The following KAZN variants were observed in gnomAD, a reference collection of about 807,000 sequenced individuals.
The protein encoded by KAZN is kazrin, periplakin interacting protein, also known as kazrin.
In KAZN, 40 loss-of-function variants were observed where a neutral mutation model predicts 87.4. The observed-to-expected ratio is 0.46, with a 90% CI of 0.36 to 0.60. KAZN has a LOEUF of 0.60. Ranked by LOEUF, KAZN falls within the 20% of genes least tolerant of loss-of-function variation. The probability of loss-of-function intolerance (pLI) is 0.00; values close to 1 mark genes in which losing one functional copy is unlikely to be tolerated. For synonymous variants in KAZN, 466 were observed against 458.3 expected (o/e 1.02, Z -0.22); for missense variants, 898 against 1,073.9 (o/e 0.84, Z 2.29).
At chr1:14,869,431 T>A (rs1350197104) in intron 1 of KAZN, among the ~76,000 whole-genome samples, 1 of 152,206 alleles carries the variant, frequency 6.6e-6, no homozygotes, top group Non-Finnish European at 1.5e-5. Flanking sequence ...TGCTGGAGAC[T>A]AGTCATTTTG....
chr1:14,834,697 G>C (rs144711652), intron 1 of KAZN, among the ~76,000 whole-genome samples: 1 of 152,136 alleles, frequency 6.6e-6, no homozygotes, highest in Non-Finnish European at 1.5e-5. Flanking sequence ...TTATGTGCTC[G>C]ACAAATTTGT....
At chr1:15,064,437 G>T (rs776367984) in intron 7 of KAZN, among the ~76,000 whole-genome samples, 3 of 152,206 alleles carry the variant, frequency 2.0e-5, no homozygotes, top group Non-Finnish European at 4.4e-5. Flanking sequence ...CCCCGGTTAC[G>T]CATGATGCCA....
chr1:14,141,451 T>C (rs1645238279), intron 1 of KAZN, among the ~76,000 whole-genome samples: 1 of 151,286 alleles, frequency 6.6e-6, no homozygotes, highest in Non-Finnish European at 1.5e-5. Flanking sequence ...AACTCATCCT[T>C]CGCTGATGGA....
At chr1:14,046,260 A>G (rs1642068516) in intron 1 of KAZN, among the ~76,000 whole-genome samples, 1 of 152,162 alleles carries the variant, frequency 6.6e-6, no homozygotes, top group Non-Finnish European at 1.5e-5. Flanking sequence ...TTAAAATCCT[A>G]ATCCCAGATG....
At chr1:14,678,290 C>T (rs762391385) in intron 1 of KAZN, among the ~76,000 whole-genome samples, 2 of 152,124 alleles carry the variant, frequency 1.3e-5, no homozygotes, top group Non-Finnish European at 2.9e-5. Context: ...GTCTTCCGGC[C>T]TTCATCTTTC....
chr1:14,858,252 G>C (rs1572664105), intron 1 of KAZN, among the ~76,000 whole-genome samples: 1 of 109,430 alleles, frequency 9.1e-6, no homozygotes, highest in Non-Finnish European at 1.7e-5. Context: ...TCACTCTGTT[G>C]CCCAGGCTGG....
intron 1 of KAZN, among the ~76,000 whole-genome samples, chr1:14,772,177 T>C (rs936273618): frequency 1.3e-5 from 2 of 152,126 alleles, no homozygotes; most frequent in East Asian, 1.9e-4. Context: ...TCCCTTCTGG[T>C]TGGGGAACAA....
chr1:14,036,522 AG>A (rs1045982834), intron 1 of KAZN, among the ~76,000 whole-genome samples: 1 of 152,102 alleles, frequency 6.6e-6, no homozygotes, highest in African/African-American at 2.4e-5. Flanking sequence ...GCAATAAAAT[AG>A]GCACATTGGC....
rs185782173 is a variant in KAZN, at chr1:14,767,431, T to C, written c.226+168208T>C. The stretch of plus-strand genomic sequence containing the variant: ...CAGAGAAGCCAAAAAGAGATAACTT[T>C]GAATCCCACGGGGCAAGAATGCACC... On this transcript the variant is annotated intron_variant, in intron 1 of 14. Transcript: ENST00000376030. Among the ~76,000 whole-genome samples the C allele has an allele frequency of 1.1e-3, 171 of 152,326 alleles. 1 individual carries two copies. Among genetic ancestry groups the C allele is most frequent in the African/African-American group, 3.9e-3 (161 of 41,582 alleles).
intron 1 of KAZN, among the ~76,000 whole-genome samples, chr1:14,081,225 A>G (rs1342335926): frequency 6.6e-6 from 1 of 152,136 alleles, no homozygotes; most frequent in Non-Finnish European, 1.5e-5. Context: ...TTTAGGTGTT[A>G]ATTAAAATGG....
chr1:15,110,387 G>T (rs1341655395), intron 13 of KAZN, among the ~76,000 whole-genome samples: 1 of 23,854 alleles, frequency 4.2e-5, no homozygotes, highest in East Asian at 5.7e-3. Flanking sequence ...GTGTATTTGT[G>T]TGTTTGTGTG....
chr1:14,834,113 G>T (rs150899131), intron 1 of KAZN, among the ~76,000 whole-genome samples: 8 of 151,660 alleles, frequency 5.3e-5, no homozygotes, highest in Non-Finnish European at 1.0e-4. Flanking sequence ...TCAGCTCACC[G>T]CAACCTCTGC....
At chr1:14,521,617 C>T (rs57913665) in intron 2 of KAZN, among the ~76,000 whole-genome samples, 2 of 152,294 alleles carry the variant, frequency 1.3e-5, no homozygotes, top group African/African-American at 4.8e-5. Flanking sequence ...AAGGAAGAAA[C>T]CAGCAAAGCA....
chr1:14,759,349 G>T (rs1414293415), intron 1 of KAZN, among the ~76,000 whole-genome samples: 3 of 152,154 alleles, frequency 2.0e-5, no homozygotes, highest in African/African-American at 7.2e-5. Flanking sequence ...GTCCACGGAA[G>T]GTTGTTTGAT....
At position 14,961,214 on chromosome 1, in the gene KAZN, G is replaced by A. The variant is rs758618971; in HGVS notation, c.418+339G>A. Among the ~76,000 whole-genome samples, 11 of 152,176 alleles carry A rather than the reference G, an allele frequency of 7.2e-5. No individual in the cohort carries two copies. The South Asian group carries it at 1.7e-3, about 23-fold the overall frequency. On this transcript the variant is annotated intron_variant, in intron 2 of 14. Coordinates refer to ENST00000376030, the MANE Select transcript of KAZN (RefSeq NM_201628.3). ...TTACCCAGCACCCTTGGGGTCCTTC[G>A]GTGCCTCCACTCAGGGCATAGTGTG... is the stretch of plus-strand genomic sequence containing the variant.
chr1:13,906,475 C>T (rs1161402304), intron 1 of KAZN, among the ~76,000 whole-genome samples: 1 of 152,130 alleles, frequency 6.6e-6, no homozygotes, highest in Non-Finnish European at 1.5e-5. Context: ...CCCTGTGGGG[C>T]AGAAAGGCTG....
At chr1:14,181,367 C>A (rs1282496760) in intron 2 of KAZN, among the ~76,000 whole-genome samples, 4 of 152,188 alleles carry the variant, frequency 2.6e-5, no homozygotes, top group African/African-American at 9.6e-5. Flanking sequence ...GTTTTCTGTT[C>A]AGCATTGCTG....
intron 1 of KAZN, among the ~76,000 whole-genome samples, chr1:14,838,427 G>T (rs1330373672): frequency 6.6e-6 from 1 of 152,188 alleles, no homozygotes; most frequent in Non-Finnish European, 1.5e-5. Context: ...GGCATGAGAT[G>T]AACTGGAAAG....
Position 14,749,693 on chromosome 1 carries a change from C to T in KAZN, c.226+150470C>T, listed in dbSNP as rs1335554312. Among the ~76,000 whole-genome samples the T allele has an allele frequency of 3.3e-5, 5 of 152,148 alleles. No individual in the cohort carries two copies. The East Asian group carries it at 9.7e-4, about 29-fold the overall frequency. On this transcript the variant is annotated intron_variant, in intron 1 of 14. Coordinates refer to ENST00000376030, the MANE Select transcript of KAZN (RefSeq NM_201628.3). ...TCATGGTGCTCAGGACCTGTGCGTC[C>T]TCACACAGGCACCAGGCCTCCCATT... is the stretch of plus-strand genomic sequence containing the variant.
Sources: allele counts gnomAD v4.1 joint callset (sites outside exome capture counted in the v4.1 genomes callset), GRCh38; gene constraint gnomAD v4.1.1; transcripts MANE v1.5; gene names NCBI Gene and HGNC (gene_info 2026-07-23, HGNC 2026-07-21).